Variants in HCN1 observed in about 807,000 individuals in gnomAD.
HCN1 encodes the protein hyperpolarization activated cyclic nucleotide gated potassium channel 1.
A neutral mutation model predicts 78.9 loss-of-function variants in HCN1; 13 were observed. The observed-to-expected ratio is 0.16, with a 90% CI of 0.11 to 0.26. The LOEUF is 0.26. Among genes scored for constraint, HCN1 ranks in the 10% least tolerant of loss-of-function variants. The probability of loss-of-function intolerance (pLI) is 1.00; values close to 1 mark genes in which losing one functional copy is unlikely to be tolerated. For synonymous variants in HCN1, 552 were observed against 455.5 expected (o/e 1.21, Z -2.70); for missense variants, 810 against 1,154.3 (o/e 0.70, Z 4.32).
chr5:45,650,743 C>A (rs1204014779), intron 1 of HCN1, among the ~76,000 whole-genome samples: 1 of 151,860 alleles, frequency 6.6e-6, no homozygotes, highest in Non-Finnish European at 1.5e-5. Flanking sequence ...AAGATTAGTC[C>A]ATGATACTAA....
chr5:45,438,851 AT>A (rs1274649266), intron 3 of HCN1, among the ~76,000 whole-genome samples: 1 of 152,146 alleles, frequency 6.6e-6, no homozygotes, highest in Non-Finnish European at 1.5e-5. Flanking sequence ...AGAAAAAGGA[AT>A]ATACTCTTTA....
chr5:45,353,041 T>C (rs1467065979), intron 5 of HCN1, 59 bp downstream of exon 5: 2 of 1,431,618 alleles, frequency 1.4e-6, no homozygotes. Context: ...AGATTCTCCA[T>C]GAAGAGAGAA....
intron 2 of HCN1, among the ~76,000 whole-genome samples, chr5:45,613,430 C>G (rs191227586): frequency 6.6e-5 from 10 of 152,084 alleles, no homozygotes; most frequent in South Asian, 2.1e-4. Context: ...TCTCACACCA[C>G]TTAGAATGGC....
chr5:45,399,261 G>A (rs1281443456), intron 3 of HCN1, among the ~76,000 whole-genome samples: 1 of 152,186 alleles, frequency 6.6e-6, no homozygotes, highest in East Asian at 1.9e-4. Flanking sequence ...GCTGAGTGAT[G>A]CATATGCTGC....
Position 45,696,064 on chromosome 5 carries a change from C to A in HCN1, c.30G>T (p.Ser10=), listed in dbSNP as rs1459956316. 1 of 1,355,292 alleles carries A rather than the reference C, an allele frequency of 7.4e-7. No individual in the cohort carries two copies. 84.0% of individuals were successfully genotyped at this position (1,355,292 alleles called of 1,614,324 possible). A position where few individuals can be genotyped will look rare whatever the true frequency, so the allele number is the denominator to read the frequency against. MEGGGKPNS[S]SNSRDDGNSV... ...TGTTGCCATCGTCCCGGCTGTTAGA[C>A]GAAGAGTTGGGCTTGCCGCCTCCTT... The change falls in exon 1 of 8, where the codon TCG becomes TCT. Residue 10 remains serine, a synonymous_variant. Coordinates refer to ENST00000303230, the MANE Select transcript of HCN1 (RefSeq NM_021072.4).
chr5:45,406,838 T>A (rs1739935014), intron 3 of HCN1, among the ~76,000 whole-genome samples: 1 of 152,132 alleles, frequency 6.6e-6, no homozygotes, highest in Non-Finnish European at 1.5e-5. Context: ...GAGGTAAAAT[T>A]TCCTGGAGAG....
At chr5:45,547,923 C>A (rs1049322184) in intron 2 of HCN1, among the ~76,000 whole-genome samples, 12 of 151,996 alleles carry the variant, frequency 7.9e-5, no homozygotes, top group African/African-American at 2.9e-4. Flanking sequence ...CACTATTAAT[C>A]ACCTATTCGT....
chr5:45,597,490 T>C (rs1209738577), intron 2 of HCN1, among the ~76,000 whole-genome samples: 1 of 152,138 alleles, frequency 6.6e-6, no homozygotes, highest in African/African-American at 2.4e-5. Flanking sequence ...CTGAAAGCAT[T>C]CCCTTTGAAA....
intron 2 of HCN1, among the ~76,000 whole-genome samples, chr5:45,570,804 G>T (rs1377564707): frequency 6.6e-6 from 1 of 152,024 alleles, no homozygotes; most frequent in Non-Finnish European, 1.5e-5. Flanking sequence ...CCTCATTCTA[G>T]AATTAGATGT....
intron 2 of HCN1, among the ~76,000 whole-genome samples, chr5:45,471,974 T>A (rs1295286216): frequency 6.6e-6 from 1 of 151,966 alleles, no homozygotes; most frequent in Non-Finnish European, 1.5e-5. Flanking sequence ...TCAAACCTGA[T>A]CATGTGATTT....
At chr5:45,290,438 A>G (rs1338265239) in intron 6 of HCN1, among the ~76,000 whole-genome samples, 1 of 152,054 alleles carries the variant, frequency 6.6e-6, no homozygotes, top group East Asian at 1.9e-4. Context: ...ATAAACATTC[A>G]GTCCTTAAAA....
intron 2 of HCN1, among the ~76,000 whole-genome samples, chr5:45,497,094 A>G (rs1262673953): frequency 6.6e-6 from 1 of 152,050 alleles, no homozygotes; most frequent in Non-Finnish European, 1.5e-5. Flanking sequence ...CTGTTCTTTA[A>G]ATTTGCTGAG....
At chr5:45,499,651 G>C (rs1305541947) in intron 2 of HCN1, among the ~76,000 whole-genome samples, 1 of 152,194 alleles carries the variant, frequency 6.6e-6, no homozygotes, top group Non-Finnish European at 1.5e-5. Context: ...GCACAGAGCA[G>C]AGAAAGCACT....
At chr5:45,419,796 G>C (rs1213760265) in intron 3 of HCN1, among the ~76,000 whole-genome samples, 1 of 152,106 alleles carries the variant, frequency 6.6e-6, no homozygotes, top group Non-Finnish European at 1.5e-5. Context: ...TTCTTTTCTG[G>C]GTTTTAGCAT....
At chr5:45,517,797 A>G (rs1742541397) in intron 2 of HCN1, among the ~76,000 whole-genome samples, 1 of 152,026 alleles carries the variant, frequency 6.6e-6, no homozygotes, top group African/African-American at 2.4e-5. Flanking sequence ...AAATTGTGGC[A>G]AAGAAAGCTA....
chr5:45,282,250 A>G (rs1181465317), intron 6 of HCN1, among the ~76,000 whole-genome samples: 1 of 152,212 alleles, frequency 6.6e-6, no homozygotes, highest in African/African-American at 2.4e-5. Context: ...CTCCATGTGT[A>G]AAAGAAATGG....
intron 5 of HCN1, among the ~76,000 whole-genome samples, chr5:45,325,811 T>G (rs1746223628): frequency 6.6e-6 from 1 of 151,690 alleles, no homozygotes; most frequent in African/African-American, 2.4e-5. Context: ...TCTCTGTCTC[T>G]AGTAGGAAGG....
At chr5:45,275,028 T>C (rs749857421) in intron 6 of HCN1, among the ~76,000 whole-genome samples, 23 of 152,080 alleles carry the variant, frequency 1.5e-4, no homozygotes, top group Non-Finnish European at 3.4e-4. Flanking sequence ...GGCAGATCAC[T>C]TGAGGTCAGG....
chr5:45,385,175 C>T (rs1747887092), intron 4 of HCN1, among the ~76,000 whole-genome samples: 1 of 152,028 alleles, frequency 6.6e-6, no homozygotes, highest in Admixed American at 6.6e-5. Flanking sequence ...GTGAATTTAG[C>T]TTCCAGTTAA....
Sources: allele counts gnomAD v4.1 joint callset (sites outside exome capture counted in the v4.1 genomes callset), GRCh38; gene constraint gnomAD v4.1.1; transcripts MANE v1.5; gene names NCBI Gene and HGNC (gene_info 2026-07-23, HGNC 2026-07-21).